The following PTPRJ variants were observed in gnomAD, a reference collection of about 807,000 sequenced individuals.
PTPRJ encodes the protein receptor-type tyrosine-protein phosphatase eta.
A neutral mutation model predicts 141.3 loss-of-function variants in PTPRJ; 129 were observed. The ratio of observed to expected loss-of-function variants is 0.91; its 90% CI spans 0.79 to 1.06. The LOEUF is 1.06. PTPRJ is among the 50% of genes least tolerant of loss of function. The pLI, the probability that PTPRJ is intolerant of heterozygous loss-of-function variation, is 0.00. For missense variants in PTPRJ, 1,601 were observed against 1,679.7 expected, an observed-to-expected ratio of 0.95 and a Z score of 0.82; for synonymous variants, 610 against 640.5, an observed-to-expected ratio of 0.95 and a Z score of 0.72.
chr11:48,053,216 T>G (rs1373516081), intron 1 of PTPRJ, among the ~76,000 whole-genome samples: 1 of 91,986 alleles, frequency 1.1e-5, no homozygotes, highest in Non-Finnish European at 1.9e-5. Flanking sequence ...TTATATATAA[T>G]ATATTAAATA....
At chr11:48,095,300 T>C (rs369467350) in intron 1 of PTPRJ, among the ~76,000 whole-genome samples, 2 of 152,248 alleles carry the variant, frequency 1.3e-5, no homozygotes, top group East Asian at 3.8e-4. Flanking sequence ...ACTGGACTTA[T>C]GAGACTTTGA....
At chr11:48,010,102 TC>T (rs1288367081) in intron 1 of PTPRJ, among the ~76,000 whole-genome samples, 3 of 152,202 alleles carry the variant, frequency 2.0e-5, no homozygotes. Context: ...TACCTCTGTC[TC>T]CCTAAATAGA....
intron 1 of PTPRJ, among the ~76,000 whole-genome samples, chr11:48,022,901 AGG>A (rs1425402156): frequency 2.0e-5 from 3 of 152,018 alleles, no homozygotes; most frequent in Non-Finnish European, 4.4e-5. Flanking sequence ...AGGTGAGCTG[AGG>A]GGAAGCTGGT....
chr11:48,136,297 G>GT lies in PTPRJ; in HGVS notation c.1873+2dup. On this transcript the variant is annotated splice_donor_variant, in intron 9 of 24. Transcript: ENST00000418331. LOFTEE classifies it high-confidence loss of function. ...CCCAACTCCACTGCACAGTACACAC[G>GT]TAAGTCTCTTAGGATGCCCTTCTAA... The GT allele has an allele frequency of 1.2e-6, 2 of 1,613,206 alleles. No individual in the cohort carries two copies. Among genetic ancestry groups the GT allele is most frequent in the Non-Finnish European group, 1.7e-6 (2 of 1,179,410 alleles).
chr11:47,981,853 A>G (rs543288001), intron 1 of PTPRJ, among the ~76,000 whole-genome samples: 275 of 152,318 alleles, frequency 1.8e-3, no homozygotes, highest in Non-Finnish European at 2.8e-3. Context: ...CGGAGCACCC[A>G]GCCCGTGCCA....
intron 1 of PTPRJ, among the ~76,000 whole-genome samples, chr11:48,102,046 C>A (rs1247110251): frequency 2.0e-5 from 3 of 152,172 alleles, no homozygotes; most frequent in African/African-American, 7.2e-5. Context: ...TCATTTCAAC[C>A]CGTGGACTTT....
intron 1 of PTPRJ, among the ~76,000 whole-genome samples, chr11:48,067,110 TAGA>T (rs964381069): frequency 2.6e-5 from 4 of 152,116 alleles, no homozygotes; most frequent in South Asian, 4.1e-4. Flanking sequence ...AAGAAGGAAG[TAGA>T]AGGAGTCTGT....
rs1196432496 is a variant in PTPRJ at position 48,169,106 on chromosome 11, G to A, written c.*1744G>A. ...TCGATAACTGACTGGACGTGTTAAT[G>A]GGTCTTTTAGGGTTCTAAAGGGTGA... On this transcript the variant is annotated 3_prime_UTR_variant, in exon 25 of 25. Transcript: ENST00000418331. 1 of 152,114 alleles carries A rather than the reference G, an allele frequency of 6.6e-6. No homozygotes were observed. The highest frequency in any genetic ancestry group is 6.5e-5 in the Admixed American group (1 of 15,274). 9.4% of individuals were successfully genotyped at this position (152,114 alleles called of 1,614,324 possible).
chr11:48,122,042 T>G (rs1856720280), intron 4 of PTPRJ, among the ~76,000 whole-genome samples: 1 of 152,154 alleles, frequency 6.6e-6, no homozygotes, highest in African/African-American at 2.4e-5. Context: ...TCCGACATTT[T>G]AAGTCAGGAA....
chr11:48,071,811 C>T (rs555632554), intron 1 of PTPRJ, among the ~76,000 whole-genome samples: 14 of 151,364 alleles, frequency 9.2e-5, no homozygotes, highest in Admixed American at 7.9e-4. Context: ...ACCATGTTGT[C>T]CAGGATGGTC....
intron 11 of PTPRJ, 24 bp from the exon 12 acceptor site, chr11:48,142,895 A>G (rs769110216): frequency 1.9e-6 from 3 of 1,602,698 alleles, no homozygotes; most frequent in Admixed American, 3.5e-5. Context: ...TTGGGTGATC[A>G]TGTTTTGTTT....
chr11:48,130,828 A>G, intron 8 of PTPRJ, 112 bp downstream of exon 8: 2 of 1,245,840 alleles, frequency 1.6e-6, no homozygotes, highest in Non-Finnish European at 2.1e-6. Context: ...CTAAGAAAAA[A>G]CTTTAAAAAT....
intron 1 of PTPRJ, among the ~76,000 whole-genome samples, chr11:48,092,497 T>G (rs1855897949): frequency 6.6e-6 from 1 of 151,736 alleles, no homozygotes; most frequent in Non-Finnish European, 1.5e-5. Flanking sequence ...TGGCGAGATC[T>G]TGGCTCACTG....
chr11:48,109,241 C>T (rs914325394), intron 1 of PTPRJ, among the ~76,000 whole-genome samples: 2 of 151,590 alleles, frequency 1.3e-5, no homozygotes, highest in East Asian at 2.0e-4. Context: ...TTTTTTCCAC[C>T]AGGGTCCTTT....
chr11:48,150,036 T>C (rs2134375223), intron 17 of PTPRJ, 38 bp downstream of exon 17: 1 of 1,534,164 alleles, frequency 6.5e-7, no homozygotes, highest in East Asian at 2.2e-5. Flanking sequence ...AACTTGTACT[T>C]TTCTATTGAA....
In PTPRJ at chr11:48,163,630, G is replaced by A. The variant is rs746869088; in HGVS notation, c.3719+12G>A. On this transcript the variant is annotated intron_variant, in intron 23 of 24. Transcript: ENST00000418331. ...CTGGTGCATTGCAGGTACGCAGATG[G>A]CACGTCACGTGTGACAGATTTCAAA... The A allele has an allele frequency of 3.1e-6, 5 of 1,607,028 alleles. No homozygotes were observed. In the South Asian group the frequency reaches 4.4e-5, roughly 14 times the overall value.
rs980749273 is a variant in PTPRJ, at chr11:48,021,732, G to A, written c.96+40724G>A. ...TGCTTTAATATGAGTCTAGCGCTTT[G>A]AGCCTTTCATTGTCATCTCCAGTGC... On this transcript the variant is annotated intron_variant, in intron 1 of 24. Transcript: ENST00000418331. Among the ~76,000 whole-genome samples the A allele has an allele frequency of 5.3e-5, 8 of 152,302 alleles. 1 individual carries two copies. The highest frequency in any genetic ancestry group is 6.5e-5 in the Admixed American group (1 of 15,296).
In PTPRJ at chr11:48,127,929, A is replaced by G; in HGVS notation, c.1243A>G (p.Ser415Gly). The G allele has an allele frequency of 6.2e-7, 1 of 1,614,160 alleles. No homozygotes were observed. The highest frequency in any genetic ancestry group is 8.5e-7 in the Non-Finnish European group (1 of 1,180,024). The change falls in exon 7 of 25, where the codon AGT (serine) becomes GGT (glycine). Residue 415 changes from serine to glycine, a missense_variant. Coordinates refer to ENST00000418331, the MANE Select transcript of PTPRJ (RefSeq NM_002843.4). ...GETDSSNLNV[S>G]EPRAVIPGLR... ...GACAGATTCTTCCAATCTCAACGTC[A>G]GTGAGCCTCGCGCTGTCATCCCCGG...
chr11:48,140,476 G>C (rs1334759060), intron 11 of PTPRJ, among the ~76,000 whole-genome samples: 1 of 152,192 alleles, frequency 6.6e-6, no homozygotes, highest in Non-Finnish European at 1.5e-5. Flanking sequence ...GGGTGAGCTA[G>C]CATGCTGCTG....
Sources: gnomAD v4.1 joint callset for allele counts (sites outside exome capture counted in the v4.1 genomes callset) on GRCh38, gnomAD v4.1.1 for gene constraint, MANE v1.5 for transcripts, NCBI Gene and HGNC (gene_info 2026-07-23, HGNC 2026-07-21) for gene names.